The following RFC3 variants were observed in gnomAD, a reference collection of about 807,000 sequenced individuals.
RFC3 encodes the protein replication factor C subunit 3, also known as A1 38 kDa subunit.
RFC3 carries 41 observed loss-of-function variants against 45.1 expected under a neutral mutation model. The observed-to-expected ratio is 0.91, with a 90% CI of 0.71 to 1.18. RFC3 has a LOEUF of 1.18. RFC3 is among the 50% of genes most tolerant of loss of function. RFC3 has a pLI of 0.00. For missense variants in RFC3, 423 were observed against 428.1 expected, an observed-to-expected ratio of 0.99 and a Z score of 0.10; for synonymous variants, 149 against 144.0, an observed-to-expected ratio of 1.03 and a Z score of -0.25.
intron 8 of RFC3, among the ~76,000 whole-genome samples, chr13:33,843,248 A>G (rs1450535862): frequency 4.0e-5 from 6 of 151,490 alleles, no homozygotes; most frequent in Admixed American, 3.9e-4. Context: ...AATTTGGAGC[A>G]TTATCACAAG....
Position 33,834,499 on chromosome 13 carries a change from A to C in RFC3, c.810-649A>C, listed in dbSNP as rs3135624. ...CTAGAATGAAGGACTCAGAGGTTTGAATGTTCCTATTCGCTTAGCCTGGTT... is the reference window on the plus strand; with the variant it reads ...CTAGAATGAAGGACTCAGAGGTTTGCATGTTCCTATTCGCTTAGCCTGGTT... On this transcript the variant is annotated intron_variant, in intron 7 of 8. Coordinates refer to ENST00000380071, the MANE Select transcript of RFC3 (RefSeq NM_002915.4). 2.0e-5 allele frequency among the ~76,000 whole-genome samples: 3 copies of C among 150,846 alleles called. No homozygotes were observed. In the South Asian group the frequency reaches 6.3e-4, roughly 32 times the overall value.
At chr13:33,867,698 G>A (rs2082382615) in intron 8 of RFC3, among the ~76,000 whole-genome samples, 1 of 152,254 alleles carries the variant, frequency 6.6e-6, no homozygotes, top group South Asian at 2.1e-4. Context: ...CAGATGGGAA[G>A]GAAGGTTTGT....
At chr13:33,932,881 A>G (rs1186242014) in intron 8 of RFC3, among the ~76,000 whole-genome samples, 1 of 152,174 alleles carries the variant, frequency 6.6e-6, no homozygotes, top group Admixed American at 6.6e-5. Context: ...TTTGCTGTAC[A>G]TGTTTGCAAA....
rs2082742206 is a variant in RFC3 at position 33,917,743 on chromosome 13, C to T, written c.880-48344C>T. Among the ~76,000 whole-genome samples, 3 of 151,988 alleles carry T rather than the reference C, an allele frequency of 2.0e-5. No homozygotes were observed. In the South Asian group the frequency reaches 6.2e-4, roughly 32 times the overall value. ...ATTGCAAACCTTTCCTGATAACACT[C>T]TGTATAAAGGTGTCTGTGAAAGATT... is the stretch of plus-strand genomic sequence containing the variant. On this transcript the variant is annotated intron_variant, in intron 8 of 8. Transcript: ENST00000434425.
At chr13:33,960,698 G>T (rs541845754) in intron 8 of RFC3, among the ~76,000 whole-genome samples, 43 of 152,240 alleles carry the variant, frequency 2.8e-4, no homozygotes, top group Non-Finnish European at 2.2e-4. Flanking sequence ...GGAGGTGCAG[G>T]CTCCCCTTCT....
rs1224786856 is a variant in RFC3 at position 33,900,229 on chromosome 13, C to T, written c.879+65012C>T. On this transcript the variant is annotated intron_variant, in intron 8 of 8. Transcript: ENST00000434425. ...AGACTCTGAACAGCTAAAGCAATCC[C>T]GAGAAAAAAGAACAAAGCGGGAGGC... Among the ~76,000 whole-genome samples, 5 of 151,606 alleles carry T rather than the reference C, an allele frequency of 3.3e-5. No individual in the cohort carries two copies. The East Asian group carries it at 5.8e-4, about 18-fold the overall frequency.
At chr13:33,944,130 GA>G (rs769379128) in intron 8 of RFC3, among the ~76,000 whole-genome samples, 1 of 152,158 alleles carries the variant, frequency 6.6e-6, no homozygotes. Flanking sequence ...TTTGTTTGCA[GA>G]CATTCAAGAT....
the RFC3 span, among the ~76,000 whole-genome samples, chr13:33,974,924 GA>G: frequency 6.6e-6 from 1 of 152,302 alleles, no homozygotes; most frequent in East Asian, 1.9e-4. Context: ...TGTGGAACAA[GA>G]GGAACTCTCA....
At chr13:33,834,760 A>G (rs762004115) in intron 7 of RFC3, among the ~76,000 whole-genome samples, 6 of 152,142 alleles carry the variant, frequency 3.9e-5, no homozygotes, top group African/African-American at 7.2e-5. Flanking sequence ...ATGTCATTAA[A>G]GTTTGTTAAA....
chr13:33,864,012 C>T (rs1454221551), intron 8 of RFC3, among the ~76,000 whole-genome samples: 3 of 152,128 alleles, frequency 2.0e-5, no homozygotes, highest in Non-Finnish European at 4.4e-5. Flanking sequence ...GCAGCCTGTA[C>T]AAGCATGTCA....
At position 33,823,935 on chromosome 13, in the gene RFC3, AT is replaced by A; in HGVS notation, c.246del (p.Ile82MetfsTer25). On this transcript the variant is annotated frameshift_variant, in exon 3 of 9. Transcript: ENST00000380071. LOFTEE classifies it high-confidence loss of function. The part of the protein sequence containing the change: ...QTITTPSKKK[I>X]EISTIASNYH... ...TCCACAGACTCCATCTAAAAAAAAA[AT>A]TGAAATTAGCACCATTGCAAGTAAC... 2.6e-6 allele frequency: 4 copies of A among 1,563,920 alleles called. No individual in the cohort carries two copies. The highest frequency in any genetic ancestry group is 3.5e-6 in the Non-Finnish European group (4 of 1,141,790).
chr13:33,930,876 CCTTTAGTT>C (rs1420218579), intron 8 of RFC3, among the ~76,000 whole-genome samples: 2 of 152,064 alleles, frequency 1.3e-5, no homozygotes, highest in Non-Finnish European at 2.9e-5. Context: ...TTTCTCTCTT[CCTTTAGTT>C]CTTTTGGAAA....
intron 8 of RFC3, among the ~76,000 whole-genome samples, chr13:33,948,466 C>T (rs915939280): frequency 4.6e-5 from 7 of 152,294 alleles, no homozygotes; most frequent in African/African-American, 1.2e-4. Flanking sequence ...AGTAAATGTG[C>T]GGTTGGATTC....
At chr13:33,909,328 T>TC in intron 8 of RFC3, among the ~76,000 whole-genome samples, 1 of 152,010 alleles carries the variant, frequency 6.6e-6, no homozygotes, top group East Asian at 1.9e-4. Flanking sequence ...GCCACCCTGG[T>TC]CCCTGACCTC....
At chr13:33,851,976 T>G (rs1187103288) in intron 8 of RFC3, among the ~76,000 whole-genome samples, 1 of 152,176 alleles carries the variant, frequency 6.6e-6, no homozygotes, top group African/African-American at 2.4e-5. Context: ...TGAATTGACA[T>G]TGATATTGTG....
chr13:33,861,354 G>A (rs1408125122), intron 8 of RFC3, among the ~76,000 whole-genome samples: 1 of 152,172 alleles, frequency 6.6e-6, no homozygotes, highest in Non-Finnish European at 1.5e-5. Flanking sequence ...GAGGCTGGGT[G>A]TGGTGGCTCA....
chr13:33,909,834 AT>A (rs1239544069), intron 8 of RFC3, among the ~76,000 whole-genome samples: 3 of 152,214 alleles, frequency 2.0e-5, no homozygotes, highest in South Asian at 4.1e-4. Context: ...TGTTCAGGGC[AT>A]TTGCTCAGTA....
intron 8 of RFC3, among the ~76,000 whole-genome samples, chr13:33,897,074 T>G (rs1329565870): frequency 6.6e-6 from 1 of 152,004 alleles, no homozygotes; most frequent in African/African-American, 2.4e-5. Flanking sequence ...ATAAAACCCA[T>G]GGGTAAAATT....
At chr13:33,932,293 A>G (rs1343699767) in intron 8 of RFC3, among the ~76,000 whole-genome samples, 2 of 152,240 alleles carry the variant, frequency 1.3e-5, no homozygotes, top group Non-Finnish European at 2.9e-5. Context: ...ATTTTTGTCT[A>G]TTTATTCTTC....
Sources: gnomAD v4.1 joint callset for allele counts (sites outside exome capture counted in the v4.1 genomes callset) on GRCh38, gnomAD v4.1.1 for gene constraint, MANE v1.5 for transcripts, NCBI Gene and HGNC (gene_info 2026-07-23, HGNC 2026-07-21) for gene names.